The following ZC3H12B variants were observed in gnomAD, a reference collection of about 807,000 sequenced individuals.
ZC3H12B encodes zinc finger CCCH-type containing 12B.
A neutral mutation model predicts 43.9 loss-of-function variants in ZC3H12B; 7 were observed. That is an observed-to-expected ratio of 0.16 (90% CI 0.09 to 0.30). ZC3H12B has a LOEUF of 0.30. ZC3H12B is among the 10% of genes least tolerant of loss of function. ZC3H12B has a pLI of 1.00. For missense variants in ZC3H12B, 475 were observed against 670.2 expected, an observed-to-expected ratio of 0.71 and a Z score of 3.22; for synonymous variants, 222 against 241.7, an observed-to-expected ratio of 0.92 and a Z score of 0.76.
chrX:65,325,321 G>T, the ZC3H12B span, among the ~76,000 whole-genome samples: 1 of 111,349 alleles, frequency 9.0e-6, no homozygotes. Context: ...ATTGCTAACT[G>T]CAGATGTCAT....
rs58372328 is a variant in ZC3H12B, at chrX:65,472,825, GATATATATATATATAT to G, written n.408-15802_408-15787del. Among the ~76,000 whole-genome samples the G allele has an allele frequency of 2.5e-3, 78 of 31,561 alleles. 1 individual carries two copies. Among genetic ancestry groups the G allele is most frequent in the African/African-American group, 0.015 (70 of 4,663 alleles). The allele number at this position is 31,561 out of a possible 115,157, so 27.4% of individuals were successfully genotyped here. A position where few individuals can be genotyped will look rare whatever the true frequency, so the allele number is the denominator to read the frequency against. On this transcript the variant is annotated intron_variant and non_coding_transcript_variant, in intron 3 of 5. Transcript: ENST00000617377. ...ATACTGTTTTGATTACCATACCTTT[GATATATATATATATAT>G]ATATATATATATATATATGTTTGTG...
At chrX:65,079,716 A>G in the ZC3H12B span, among the ~76,000 whole-genome samples, 1 of 112,204 alleles carries the variant, frequency 8.9e-6, no homozygotes, top group Non-Finnish European at 1.9e-5. Flanking sequence ...ACACATAAGT[A>G]CTTTCAAATA....
At chrX:65,316,276 T>C in the ZC3H12B span, among the ~76,000 whole-genome samples, 1 of 111,877 alleles carries the variant, frequency 8.9e-6, no homozygotes, top group South Asian at 3.7e-4. Flanking sequence ...ATGAAAACTT[T>C]CCCAATCTCA....
chrX:65,100,203 A>G, the ZC3H12B span, among the ~76,000 whole-genome samples: 2 of 111,188 alleles, frequency 1.8e-5, no homozygotes, highest in Non-Finnish European at 3.8e-5. Context: ...ATGAAAAGGA[A>G]TGAACAAAGC....
At chrX:65,378,272 C>A (rs958826983) in intron 2 of ZC3H12B, among the ~76,000 whole-genome samples, 5 of 111,214 alleles carry the variant, frequency 4.5e-5, no homozygotes, top group African/African-American at 1.6e-4. Flanking sequence ...GTCAAAGACA[C>A]TACAGTGAGA....
the ZC3H12B span, among the ~76,000 whole-genome samples, chrX:65,193,011 A>T: frequency 9.1e-6 from 1 of 110,286 alleles, no homozygotes; most frequent in South Asian, 3.9e-4. Context: ...TGACCTCGTG[A>T]TCCACTCGCC....
chrX:65,349,068 A>G, the ZC3H12B span, among the ~76,000 whole-genome samples: 2 of 111,735 alleles, frequency 1.8e-5, no homozygotes, highest in African/African-American at 6.5e-5. Flanking sequence ...AGAATATACA[A>G]TCTTCTCAGT....
chrX:65,146,668 C>A, the ZC3H12B span, among the ~76,000 whole-genome samples: 1 of 111,450 alleles, frequency 9.0e-6, no homozygotes, highest in Non-Finnish European at 1.9e-5. Context: ...TTATGAAGTA[C>A]TCTCCCCCTT....
At chrX:65,401,679 C>A (rs1292678648) in intron 3 of ZC3H12B, among the ~76,000 whole-genome samples, 3 of 111,758 alleles carry the variant, frequency 2.7e-5, no homozygotes, top group Admixed American at 9.5e-5. Flanking sequence ...CAGATCCCTT[C>A]CTTCTGCTTT....
chrX:65,279,124 T>A, the ZC3H12B span, among the ~76,000 whole-genome samples: 153 of 110,824 alleles, frequency 1.4e-3, 1 homozygote, highest in African/African-American at 4.9e-3. Context: ...TATGGTAGAA[T>A]GTTTTCTATT....
At chrX:65,229,581 G>C in the ZC3H12B span, among the ~76,000 whole-genome samples, 2 of 109,989 alleles carry the variant, frequency 1.8e-5, no homozygotes, top group African/African-American at 6.6e-5. Context: ...AGAAACTTCC[G>C]TCAGAGTGAA....
At chrX:65,309,684 A>G in the ZC3H12B span, among the ~76,000 whole-genome samples, 7 of 112,154 alleles carry the variant, frequency 6.2e-5, no homozygotes, top group Non-Finnish European at 1.3e-4. Flanking sequence ...TAGCAGAGAC[A>G]CAACGAAAAA....
intron 3 of ZC3H12B, among the ~76,000 whole-genome samples, chrX:65,434,652 G>C (rs1166272526): frequency 8.9e-6 from 1 of 112,088 alleles, no homozygotes; most frequent in East Asian, 2.8e-4. Context: ...GACTCAAGTA[G>C]TTCTTTGCAG....
the ZC3H12B span, among the ~76,000 whole-genome samples, chrX:65,197,989 G>A: frequency 2.7e-5 from 3 of 112,248 alleles, no homozygotes; most frequent in East Asian, 2.8e-4. Context: ...CTAGATCAAC[G>A]TACACATCCG....
chrX:65,409,300 A>T (rs2066874654), intron 3 of ZC3H12B, among the ~76,000 whole-genome samples: 1 of 111,294 alleles, frequency 9.0e-6, no homozygotes, highest in African/African-American at 3.3e-5. Context: ...AAAAATAAAA[A>T]AAATAAAAGC....
chrX:65,121,519 C>T, the ZC3H12B span, among the ~76,000 whole-genome samples: 2 of 110,494 alleles, frequency 1.8e-5, no homozygotes, highest in Non-Finnish European at 3.8e-5. Context: ...TTTTTTATTC[C>T]GTCTATTTGA....
chrX:65,462,547 A>T (rs2067765665), intron 3 of ZC3H12B, among the ~76,000 whole-genome samples: 1 of 112,027 alleles, frequency 8.9e-6, no homozygotes, highest in South Asian at 3.7e-4. Flanking sequence ...CATTAATCAG[A>T]TACATTAAAA....
the ZC3H12B span, among the ~76,000 whole-genome samples, chrX:65,056,517 G>A: frequency 4.5e-5 from 5 of 111,540 alleles, no homozygotes; most frequent in African/African-American, 1.3e-4. Flanking sequence ...CAACTATGTG[G>A]TCAATTTTGG....
the ZC3H12B span, among the ~76,000 whole-genome samples, chrX:65,354,393 A>G: frequency 1.8e-5 from 2 of 112,147 alleles, no homozygotes; most frequent in African/African-American, 3.2e-5. Flanking sequence ...GAAAACTAAC[A>G]AACAGAAAGT....
Sources: gnomAD v4.1 joint callset for allele counts (sites outside exome capture counted in the v4.1 genomes callset) on GRCh38, gnomAD v4.1.1 for gene constraint, MANE v1.5 for transcripts, NCBI Gene and HGNC (gene_info 2026-07-23, HGNC 2026-07-21) for gene names.